Variants in KCND3 observed in about 807,000 individuals in gnomAD.
KCND3 encodes potassium voltage-gated channel subfamily D member 3, also known as A-type voltage-gated potassium channel KCND3.
A neutral mutation model predicts 51.1 loss-of-function variants in KCND3; 9 were observed. The observed-to-expected ratio is 0.18, with a 90% CI of 0.11 to 0.31. The LOEUF (loss-of-function observed/expected upper bound fraction) is 0.31, where lower values mean the gene tolerates loss of function less well. Ranked by LOEUF, KCND3 falls within the 10% of genes least tolerant of loss-of-function variation. The probability of loss-of-function intolerance (pLI) is 1.00; values close to 1 mark genes in which losing one functional copy is unlikely to be tolerated. For missense variants in KCND3, 526 were observed against 903.8 expected (o/e 0.58, Z 5.36); for synonymous variants, 349 against 368.0 (o/e 0.95, Z 0.59).
In KCND3 at chr1:111,775,688, T is replaced by C; in HGVS notation, c.*389A>G. 3.4e-6 allele frequency: 1 copy of C among 292,498 alleles called. No homozygotes were observed. The highest frequency in any genetic ancestry group is 4.2e-5 in the South Asian group (1 of 23,584). The allele number at this position is 292,498 out of a possible 1,614,324, so 18.1% of individuals were successfully genotyped here. On this transcript the variant is annotated 3_prime_UTR_variant, in exon 8 of 8. Coordinates refer to ENST00000302127, the MANE Select transcript of KCND3 (RefSeq NM_001378969.1). ...CTGTTTTGCTTGTGACAACTTGGCC[T>C]CTTTGCTGCTCTTGGTCTTGTATTT... is the stretch of plus-strand genomic sequence containing the variant.
chr1:111,861,732 A>G (rs1275665629), intron 2 of KCND3, among the ~76,000 whole-genome samples: 1 of 152,218 alleles, frequency 6.6e-6, no homozygotes, highest in African/African-American at 2.4e-5. Flanking sequence ...AGGGGCCTGC[A>G]GGGCCAGGGC....
intron 2 of KCND3, among the ~76,000 whole-genome samples, chr1:111,969,639 T>C (rs143891049): frequency 6.6e-6 from 1 of 152,344 alleles, no homozygotes; most frequent in Non-Finnish European, 1.5e-5. Context: ...TCAATAGTAT[T>C]AGCTGTTATT....
intron 2 of KCND3, among the ~76,000 whole-genome samples, chr1:111,863,606 G>A (rs1327104979): frequency 6.6e-6 from 1 of 152,216 alleles, no homozygotes; most frequent in Non-Finnish European, 1.5e-5. Flanking sequence ...GAGTTGCAAG[G>A]GCAATCAGAG....
In KCND3 at chr1:111,773,391, C is replaced by T. The variant is rs185127704; in HGVS notation, c.*2686G>A. 1.3e-5 allele frequency: 2 copies of T among 150,778 alleles called. No individual in the cohort carries two copies. The highest frequency in any genetic ancestry group is 2.9e-5 in the Non-Finnish European group (2 of 67,842). 9.3% of individuals were successfully genotyped at this position (150,778 alleles called of 1,614,324 possible). A position where few individuals can be genotyped will look rare whatever the true frequency, so the allele number is the denominator to read the frequency against. On this transcript the variant is annotated 3_prime_UTR_variant, in exon 8 of 8. Coordinates refer to ENST00000302127, the MANE Select transcript of KCND3 (RefSeq NM_001378969.1). ...CAGGAAGTTTGTATGTGTGTGCAAC[C>T]AGTTCTAATTTACCTCCTTTTTTTT... is the stretch of plus-strand genomic sequence containing the variant.
chr1:111,819,952 C>T (rs533994851), intron 2 of KCND3, among the ~76,000 whole-genome samples: 4 of 152,304 alleles, frequency 2.6e-5, no homozygotes, highest in East Asian at 3.9e-4. Context: ...CTCCCTGCCC[C>T]GGAGGTTGCA....
intron 2 of KCND3, among the ~76,000 whole-genome samples, chr1:111,956,128 T>C (rs1673327958): frequency 6.6e-6 from 1 of 152,136 alleles, no homozygotes; most frequent in Non-Finnish European, 1.5e-5. Flanking sequence ...AGATTGCAGA[T>C]ACTAGAGGAG....
chr1:111,802,187 TG>T (rs1665341863), intron 2 of KCND3, among the ~76,000 whole-genome samples: 1 of 152,238 alleles, frequency 6.6e-6, no homozygotes, highest in Non-Finnish European at 1.5e-5. Context: ...GGGCCATGGT[TG>T]GGCTGCTCAC....
At chr1:111,815,085 C>T (rs1256638171) in intron 2 of KCND3, among the ~76,000 whole-genome samples, 4 of 152,204 alleles carry the variant, frequency 2.6e-5, no homozygotes, top group Non-Finnish European at 4.4e-5. Flanking sequence ...CAGAGGAGGC[C>T]GATGAGGCCC....
chr1:111,838,573 C>A (rs488392), intron 2 of KCND3, among the ~76,000 whole-genome samples: 107,289 of 151,430 alleles, frequency 0.71, 38,419 homozygotes, highest in African/African-American at 0.8. Flanking sequence ...AGGAGAATGG[C>A]TTGAACCTGG....
intron 2 of KCND3, among the ~76,000 whole-genome samples, chr1:111,802,489 C>T (rs993531921): frequency 3.9e-5 from 6 of 152,184 alleles, no homozygotes; most frequent in South Asian, 2.1e-4. Context: ...TGTGTGACTT[C>T]GGGGCAGCGA....
intron 2 of KCND3, among the ~76,000 whole-genome samples, chr1:111,915,877 AC>A (rs911459551): frequency 3.3e-5 from 5 of 151,980 alleles, no homozygotes; most frequent in African/African-American, 1.2e-4. Context: ...AAAAAAAAAA[AC>A]AAAACCCTAA....
rs921690567 is a variant in KCND3 at position 111,982,937 on chromosome 1, A to G, written c.-72-139T>C. 4 of 663,790 alleles carry G rather than the reference A, an allele frequency of 6.0e-6. No homozygotes were observed. Among genetic ancestry groups the G allele is most frequent in the South Asian group, 1.9e-5 (1 of 53,392 alleles). The allele number at this position is 663,790 out of a possible 1,614,324, so 41.1% of individuals were successfully genotyped here. ...GATTAATAAAACTGAAATCCCCACC[A>G]CAGAGAGGGGACTTGATTCTTTGCC... On this transcript the variant is annotated intron_variant, in intron 1 of 7. Coordinates refer to ENST00000302127, the MANE Select transcript of KCND3 (RefSeq NM_001378969.1). The surrounding 1 kb of genome is among the most constrained non-coding windows in gnomAD (Gnocchi z 8.5).
At position 111,771,746 on chromosome 1, in the gene KCND3, T is replaced by C. The variant is rs1412877221; in HGVS notation, c.*4331A>G. 1 of 152,250 alleles carries C rather than the reference T, an allele frequency of 6.6e-6. No homozygotes were observed. Among genetic ancestry groups the C allele is most frequent in the Non-Finnish European group, 1.5e-5 (1 of 68,038 alleles). The allele number at this position is 152,250 out of a possible 1,614,324, so 9.4% of individuals were successfully genotyped here. A position where few individuals can be genotyped will look rare whatever the true frequency, so the allele number is the denominator to read the frequency against. On this transcript the variant is annotated 3_prime_UTR_variant, in exon 8 of 8. Transcript: ENST00000302127. ...TTGTTAATTATAGATCGGCATTAAC[T>C]GTCAACTTTAAGTTCTGTTCAAATT...
Position 111,824,445 on chromosome 1 carries a change from A to C in KCND3, c.1107-37339T>G, listed in dbSNP as rs1158306323. Among the ~76,000 whole-genome samples, 5 of 152,252 alleles carry C rather than the reference A, an allele frequency of 3.3e-5. No individual in the cohort carries two copies. The East Asian group carries it at 7.7e-4, about 23-fold the overall frequency. ...TCTGCCATACCCACACACCACTTGCATTACTGAATTCTAGCCAGATGCTGT... is the reference window on the plus strand; with the variant it reads ...TCTGCCATACCCACACACCACTTGCCTTACTGAATTCTAGCCAGATGCTGT... On this transcript the variant is annotated intron_variant, in intron 2 of 7. Transcript: ENST00000302127.
At chr1:111,943,183 A>G (rs1672610877) in intron 2 of KCND3, among the ~76,000 whole-genome samples, 1 of 152,170 alleles carries the variant, frequency 6.6e-6, no homozygotes, top group South Asian at 2.1e-4. Context: ...AGAAGGAAGT[A>G]ATAAAAGCTA....
At chr1:111,959,235 C>T (rs373226353) in intron 2 of KCND3, among the ~76,000 whole-genome samples, 19 of 152,178 alleles carry the variant, frequency 1.2e-4, no homozygotes, top group East Asian at 9.6e-4. Context: ...TTCCCATGTT[C>T]ACTCGCTCCC....
intron 2 of KCND3, among the ~76,000 whole-genome samples, chr1:111,848,447 C>A: frequency 6.6e-6 from 1 of 152,202 alleles, no homozygotes; most frequent in African/African-American, 2.4e-5. Flanking sequence ...TAACTCCTTT[C>A]CTGTCCCCCT....
intron 2 of KCND3, among the ~76,000 whole-genome samples, chr1:111,806,629 G>A (rs1665584550): frequency 6.6e-6 from 1 of 152,160 alleles, no homozygotes; most frequent in Admixed American, 6.5e-5. Context: ...TTCTGCTGAG[G>A]ATAATTTAAA....
At chr1:111,855,542 T>C (rs1203621957) in intron 2 of KCND3, among the ~76,000 whole-genome samples, 2 of 152,266 alleles carry the variant, frequency 1.3e-5, no homozygotes, top group East Asian at 1.9e-4. Flanking sequence ...GATCTTCCGA[T>C]AGCAAGGAGG....
Sources: gnomAD v4.1 joint callset for allele counts (sites outside exome capture counted in the v4.1 genomes callset) on GRCh38, gnomAD v4.1.1 for gene constraint, Gnocchi (gnomAD v3.1) non-coding constraint, MANE v1.5 for transcripts, NCBI Gene and HGNC (gene_info 2026-07-23, HGNC 2026-07-21) for gene names.